Variants in NUBPL observed in about 807,000 individuals in gnomAD.
NUBPL encodes NUBP iron-sulfur cluster assembly factor, mitochondrial.
In NUBPL, 31 loss-of-function variants were observed where a neutral mutation model predicts 45.7. The ratio of observed to expected loss-of-function variants is 0.68; its 90% CI spans 0.51 to 0.92. NUBPL has a LOEUF of 0.92. Ranked by LOEUF, NUBPL falls within the 40% of genes least tolerant of loss-of-function variation. NUBPL has a pLI of 0.00. For synonymous variants in NUBPL, 144 were observed against 140.9 expected (o/e 1.02, Z -0.15); for missense variants, 401 against 398.7 (o/e 1.01, Z -0.05).
At chr14:31,755,808 C>G (rs1216986314) in intron 6 of NUBPL, among the ~76,000 whole-genome samples, 1 of 151,242 alleles carries the variant, frequency 6.6e-6, no homozygotes, top group East Asian at 1.9e-4. Flanking sequence ...CCTAGGTTTT[C>G]TTCTAGGGTT....
chr14:31,762,173 C>T (rs113026841), intron 6 of NUBPL, among the ~76,000 whole-genome samples: 1,625 of 152,256 alleles, frequency 0.011, 24 homozygotes, highest in African/African-American at 0.037. Context: ...TTTTAAAAAT[C>T]TTTTCTAACT....
chr14:31,850,296 G>A (rs2040518438), intron 10 of NUBPL, 95 bp downstream of exon 10: 3 of 882,302 alleles, frequency 3.4e-6, no homozygotes, highest in African/African-American at 1.7e-5. Context: ...TATATTTGCA[G>A]TGCATATATA....
intron 7 of NUBPL, among the ~76,000 whole-genome samples, chr14:31,818,424 C>T (rs768756413): frequency 3.3e-5 from 5 of 152,228 alleles, no homozygotes; most frequent in Non-Finnish European, 7.3e-5. Flanking sequence ...CATGCTATCT[C>T]TCACCAGTAT....
intron 7 of NUBPL, among the ~76,000 whole-genome samples, chr14:31,819,472 T>C (rs1566581012): frequency 6.6e-6 from 1 of 152,184 alleles, no homozygotes; most frequent in African/African-American, 2.4e-5. Context: ...AAGTTCTCAA[T>C]CAAGCAAGAG....
intron 4 of NUBPL, among the ~76,000 whole-genome samples, chr14:31,632,916 A>G (rs760175838): frequency 2.6e-5 from 4 of 152,256 alleles, no homozygotes; most frequent in Non-Finnish European, 5.9e-5. Context: ...GCAAATATTT[A>G]TATGTTAATC....
intron 3 of NUBPL, among the ~76,000 whole-genome samples, chr14:31,580,779 A>G (rs1218975286): frequency 6.6e-6 from 1 of 152,238 alleles, no homozygotes; most frequent in Non-Finnish European, 1.5e-5. Flanking sequence ...CTTGGATTAT[A>G]TGAAGTGTTT....
intron 7 of NUBPL, among the ~76,000 whole-genome samples, chr14:31,799,853 A>G (rs1469293179): frequency 6.6e-6 from 1 of 152,224 alleles, no homozygotes; most frequent in African/African-American, 2.4e-5. Flanking sequence ...TGCTGCATCA[A>G]CTGACTCTTC....
chr14:31,586,778 G>T (rs2034006622), intron 3 of NUBPL, among the ~76,000 whole-genome samples: 1 of 152,046 alleles, frequency 6.6e-6, no homozygotes, highest in Non-Finnish European at 1.5e-5. Flanking sequence ...GAAAAGGAGG[G>T]GTGGGTTAGG....
At position 31,723,573 on chromosome 14, in the gene NUBPL, C is replaced by T. The variant is rs1272301965; in HGVS notation, c.513+49999C>T. Among the ~76,000 whole-genome samples the T allele has an allele frequency of 2.6e-5, 4 of 152,300 alleles. No homozygotes were observed. The East Asian group carries it at 7.7e-4, about 29-fold the overall frequency. ...ATGATATTGATTCTTCCTATCCATC[C>T]ATAAGCATGGAATGTATTTCCATTT... On this transcript the variant is annotated intron_variant, in intron 6 of 10. Coordinates refer to ENST00000281081, the MANE Select transcript of NUBPL (RefSeq NM_025152.3).
At chr14:31,603,114 C>G (rs2034489477) in intron 4 of NUBPL, among the ~76,000 whole-genome samples, 1 of 151,574 alleles carries the variant, frequency 6.6e-6, no homozygotes. Context: ...GAGTTCAAGA[C>G]CAGCCTGGGC....
intron 3 of NUBPL, among the ~76,000 whole-genome samples, chr14:31,584,952 C>A (rs1416292530): frequency 6.6e-6 from 1 of 152,134 alleles, no homozygotes; most frequent in African/African-American, 2.4e-5. Flanking sequence ...AGGCCTCCAC[C>A]CTCATGGCCT....
chr14:31,822,112 C>G (rs1238489872), intron 7 of NUBPL, among the ~76,000 whole-genome samples: 4 of 151,962 alleles, frequency 2.6e-5, no homozygotes, highest in Non-Finnish European at 5.9e-5. Flanking sequence ...TGAATAAGAC[C>G]TAGTATTTGA....
intron 6 of NUBPL, among the ~76,000 whole-genome samples, chr14:31,732,609 C>CTTTTTTTTT (rs71986817): frequency 1.9e-4 from 15 of 81,032 alleles, no homozygotes; most frequent in Admixed American, 9.1e-4. Flanking sequence ...AATTTGTTCT[C>CTTTTTTTTT]TTTTTTTTTT....
intron 6 of NUBPL, among the ~76,000 whole-genome samples, chr14:31,709,452 C>T (rs2037522928): frequency 6.6e-6 from 1 of 152,190 alleles, no homozygotes; most frequent in South Asian, 2.1e-4. Context: ...CTGGGGACAG[C>T]TTGCTGACCG....
chr14:31,712,013 A>G (rs1380091706), intron 6 of NUBPL, among the ~76,000 whole-genome samples: 1 of 152,186 alleles, frequency 6.6e-6, no homozygotes, highest in African/African-American at 2.4e-5. Context: ...CCAAAGAATG[A>G]GCATCAGCAA....
chr14:31,615,749 A>G (rs989779508), intron 4 of NUBPL, among the ~76,000 whole-genome samples: 4 of 152,210 alleles, frequency 2.6e-5, no homozygotes, highest in Non-Finnish European at 4.4e-5. Flanking sequence ...CAGTGCTGCA[A>G]TAAACATACG....
At chr14:31,777,923 C>T (rs2039125214) in intron 6 of NUBPL, among the ~76,000 whole-genome samples, 1 of 152,178 alleles carries the variant, frequency 6.6e-6, no homozygotes, top group South Asian at 2.1e-4. Context: ...GCAGGCAGCT[C>T]TATTAACAGT....
At chr14:31,574,578 C>CTTT (rs1429027351) in intron 3 of NUBPL, among the ~76,000 whole-genome samples, 65 of 134,126 alleles carry the variant, frequency 4.8e-4, no homozygotes, top group African/African-American at 1.8e-3. Context: ...TCGATTCTTT[C>CTTT]CTTCTTTTTT....
At chr14:31,716,908 G>A (rs1196673880) in intron 6 of NUBPL, among the ~76,000 whole-genome samples, 2 of 152,048 alleles carry the variant, frequency 1.3e-5, no homozygotes, top group Non-Finnish European at 2.9e-5. Context: ...TACTTATGGT[G>A]TTCATTTCTC....
Sources: gnomAD v4.1 joint callset for allele counts (sites outside exome capture counted in the v4.1 genomes callset) on GRCh38, gnomAD v4.1.1 for gene constraint, MANE v1.5 for transcripts, NCBI Gene and HGNC (gene_info 2026-07-23, HGNC 2026-07-21) for gene names.